PCGF2: variants seen among roughly 807,000 people sequenced by gnomAD.
The protein encoded by PCGF2 is polycomb group ring finger 2.
A neutral mutation model predicts 36.1 loss-of-function variants in PCGF2; 8 were observed. That is an observed-to-expected ratio of 0.22 (90% confidence interval 0.13 to 0.40). The LOEUF (loss-of-function observed/expected upper bound fraction) is 0.40, where lower values mean the gene tolerates loss of function less well. PCGF2 is among the 10% of genes least tolerant of loss of function. The pLI, the probability that PCGF2 is intolerant of heterozygous loss-of-function variation, is 1.00. For missense variants in PCGF2, 436 were observed against 475.9 expected (o/e 0.92, Z 0.78); for synonymous variants, 198 against 191.2 (o/e 1.04, Z -0.29).
Position 38,735,367 on chromosome 17 carries a change from A to T in PCGF2, c.891T>A (p.Pro297=). The change falls in exon 11 of 11, where the codon CCT becomes CCA. Residue 297 remains proline, a synonymous_variant. Transcript: ENST00000620225. The part of the protein sequence containing the change: ...PSSHGPPATH[P]TSPTPPSTAS... ...CTGTCGAAGGGGGAGTGGGGGAGGT[A>T]GGGTGGGTGGCTGGAGGCCCATGGG... 1 of 1,554,012 alleles carries T rather than the reference A, an allele frequency of 6.4e-7. No individual in the cohort carries two copies.
intron 2 of PCGF2, among the ~76,000 whole-genome samples, chr17:38,746,933 T>TA: frequency 6.6e-6 from 1 of 151,812 alleles, no homozygotes; most frequent in South Asian, 2.1e-4. Context: ...GGAGAGAAAT[T>TA]AAAGAGTTTC....
Position 38,735,309 on chromosome 17 carries a change from T to A in PCGF2, c.949A>T (p.Ser317Cys), listed in dbSNP as rs1298823443. The A allele has an allele frequency of 1.3e-6, 2 of 1,527,624 alleles. No individual in the cohort carries two copies. Among genetic ancestry groups the A allele is most frequent in the Admixed American group, 1.9e-5 (1 of 51,960 alleles). 94.6% of individuals were successfully genotyped at this position (1,527,624 alleles called of 1,614,324 possible). A position where few individuals can be genotyped will look rare whatever the true frequency, so the allele number is the denominator to read the frequency against. Residue 317 changes from serine to cysteine, a missense_variant, in exon 11 of 11, where the codon AGC becomes TGC. Transcript: ENST00000620225. ...GATGGTGTCTGCAGGCAGTTCAAGC[T>A]ACCCCCGTTGGCAGCTGTGGTGGCC... Reference protein sequence around the residue: ...SGATTAANGGSLNCLQTPSST... With the variant: ...SGATTAANGGCLNCLQTPSST...
At chr17:38,749,401 G>A (rs1367794535), upstream of PCGF2, 1 of 299,812 alleles carries the variant, frequency 3.3e-6, no homozygotes, top group South Asian at 2.6e-5. This position sits in a 1 kb window ranked among gnomAD's most constrained non-coding sequence, Gnocchi z 6.5. Context: ...TCCGGCAGGA[G>A]GGAGAGAACG....
chr17:38,739,572 C>A lies in PCGF2; in HGVS notation c.209+14G>T, dbSNP rs367681208. Reference sequence around the variant, plus strand: ...AGAGGATCGCGGGGACAGGAGGTGCCGTGCCAAGCCCACCTGATGCTCAGC... The same window carrying A: ...AGAGGATCGCGGGGACAGGAGGTGCAGTGCCAAGCCCACCTGATGCTCAGC... On this transcript the variant is annotated intron_variant, in intron 4 of 10. Transcript: ENST00000620225. This position sits in a 1 kb window ranked among gnomAD's most constrained non-coding sequence, Gnocchi z 4.0. The A allele has an allele frequency of 3.0e-5, 48 of 1,593,894 alleles. No individual in the cohort carries two copies. The highest frequency in any genetic ancestry group is 3.7e-5 in the Non-Finnish European group (43 of 1,161,740).
chr17:38,741,531 T>C (rs573734343), intron 2 of PCGF2, among the ~76,000 whole-genome samples: 1 of 152,290 alleles, frequency 6.6e-6, no homozygotes, highest in South Asian at 2.1e-4. Context: ...CCAGGAAGTC[T>C]TCCCTGGAAA....
intron 2 of PCGF2, among the ~76,000 whole-genome samples, chr17:38,740,879 G>A (rs1907161318): frequency 6.6e-6 from 1 of 152,148 alleles, no homozygotes; most frequent in Non-Finnish European, 1.5e-5. Context: ...TTCAGGGTGG[G>A]CTGGGGGTGT....
At chr17:38,749,736 G>A (rs771052475), upstream of PCGF2, 2 of 455,086 alleles carry the variant, frequency 4.4e-6, no homozygotes, top group Admixed American at 2.4e-5. The surrounding 1 kb of genome is among the most constrained non-coding windows in gnomAD (Gnocchi z 6.5). Flanking sequence ...GGCCTCGGGT[G>A]AATGCTTTCG....
At chr17:38,742,389 G>A (rs529496974) in intron 2 of PCGF2, among the ~76,000 whole-genome samples, 3 of 152,330 alleles carry the variant, frequency 2.0e-5, no homozygotes, top group South Asian at 2.1e-4. Context: ...ACCCCAGGAT[G>A]AGTCTGGCCA....
At chr17:38,747,130 A>G (rs1022289107) in intron 2 of PCGF2, among the ~76,000 whole-genome samples, 2 of 151,550 alleles carry the variant, frequency 1.3e-5, no homozygotes, top group Non-Finnish European at 2.9e-5. Flanking sequence ...TGGCAAATCC[A>G]CCCGCCTCCA....
chr17:38,742,777 G>A (rs1440164091), intron 2 of PCGF2, among the ~76,000 whole-genome samples: 3 of 152,176 alleles, frequency 2.0e-5, no homozygotes, highest in East Asian at 1.9e-4. Flanking sequence ...CTCTCTGAGC[G>A]TGTGTAATAT....
In PCGF2 at chr17:38,735,500, G is replaced by A. The variant is rs1347439391; in HGVS notation, c.758C>T (p.Ala253Val). ...TPSEGTNTSG[A>V]SECESVSDKA... ...GTCGCTGACTGACTCACACTCGGACGCCCCGCTGGTGTTGGTGCCCTCGGA... is the reference window on the plus strand; with the variant it reads ...GTCGCTGACTGACTCACACTCGGACACCCCGCTGGTGTTGGTGCCCTCGGA... Residue 253 changes from alanine (A) to valine (V), a missense_variant, in exon 11 of 11, where the codon GCG (alanine) becomes GTG (valine). Ala to Val is a moderately conservative substitution (Grantham distance 64). Around this residue, in one of 3 missense-constraint regions of PCGF2, gnomAD observed 227 missense variants for 212.9 expected, o/e 1.07. Transcript: ENST00000620225. 6 of 1,592,952 alleles carry A rather than the reference G, an allele frequency of 3.8e-6. No homozygotes were observed. Among genetic ancestry groups the A allele is most frequent in the Admixed American group, 1.8e-5 (1 of 57,046 alleles).
intron 2 of PCGF2, among the ~76,000 whole-genome samples, chr17:38,746,144 T>C (rs1907521873): frequency 6.6e-6 from 1 of 151,848 alleles, no homozygotes; most frequent in Non-Finnish European, 1.5e-5. Flanking sequence ...GAAGCTGGGC[T>C]TACTCAACCC....
At chr17:38,741,516 C>T (rs1487202969) in intron 2 of PCGF2, among the ~76,000 whole-genome samples, 1 of 152,132 alleles carries the variant, frequency 6.6e-6, no homozygotes, top group East Asian at 1.9e-4. Flanking sequence ...CCATTCACTC[C>T]TCCTCCAGGA....
intron 2 of PCGF2, among the ~76,000 whole-genome samples, chr17:38,741,215 G>C (rs1392386637): frequency 2.6e-5 from 4 of 151,544 alleles, no homozygotes; most frequent in African/African-American, 9.7e-5. Context: ...AGGCTACAGT[G>C]AGCCGTGATT....
intron 2 of PCGF2, among the ~76,000 whole-genome samples, chr17:38,745,129 G>A (rs1015617853): frequency 6.6e-6 from 1 of 152,158 alleles, no homozygotes; most frequent in African/African-American, 2.4e-5. Context: ...TCAGGAGATC[G>A]AGACCATCCT....
At chr17:38,741,099 A>G (rs1464128810) in intron 2 of PCGF2, among the ~76,000 whole-genome samples, 1 of 151,960 alleles carries the variant, frequency 6.6e-6, no homozygotes, top group Non-Finnish European at 1.5e-5. Flanking sequence ...AACTCTTTCC[A>G]ATCCCAAGTC....
chr17:38,740,433 G>GCCCCCCCCCCCCCCCCCCCCCCC lies in PCGF2; in HGVS notation c.-32_-31insGGGGGGGGGGGGGGGGGGGGGGG. ...CGGGGTCGGGGGTGGGGGGACTGGG[G>GCCCCCCCCCCCCCCCCCCCCCCC]AGCGTTGCCCTGGGAAACGGAAGTG... On this transcript the variant is annotated 5_prime_UTR_variant, in exon 3 of 11. Coordinates refer to ENST00000620225, the MANE Select transcript of PCGF2 (RefSeq NM_007144.3). 1 of 852,290 alleles carries GCCCCCCCCCCCCCCCCCCCCCCC rather than the reference G, an allele frequency of 1.2e-6. No individual in the cohort carries two copies. Among genetic ancestry groups the GCCCCCCCCCCCCCCCCCCCCCCC allele is most frequent in the African/African-American group, 1.8e-5 (1 of 56,282 alleles). 52.8% of individuals were successfully genotyped at this position (852,290 alleles called of 1,614,324 possible). A position where few individuals can be genotyped will look rare whatever the true frequency, so the allele number is the denominator to read the frequency against.
chr17:38,749,740 G>A (rs1410813733), upstream of PCGF2: 1 of 454,456 alleles, frequency 2.2e-6, no homozygotes, highest in Admixed American at 2.4e-5. The surrounding 1 kb of genome is among the most constrained non-coding windows in gnomAD (Gnocchi z 6.5). Flanking sequence ...TCGGGTGAAT[G>A]CTTTCGCCCT....
chr17:38,746,298 G>C (rs1907530740), intron 2 of PCGF2, among the ~76,000 whole-genome samples: 1 of 150,358 alleles, frequency 6.7e-6, no homozygotes, highest in African/African-American at 2.5e-5. Flanking sequence ...AGGCCAGATA[G>C]ACACGCCACA....
Sources: allele counts gnomAD v4.1 joint callset (sites outside exome capture counted in the v4.1 genomes callset), GRCh38; gene constraint gnomAD v4.1.1; regional missense constraint gnomAD v4.1.1; non-coding constraint Gnocchi (gnomAD v3.1); transcripts MANE v1.5; gene names NCBI Gene and HGNC (gene_info 2026-07-23, HGNC 2026-07-21).